Variants in DNAJC16 observed in about 807,000 individuals in gnomAD.
DNAJC16 encodes the protein DnaJ heat shock protein family (Hsp40) member C16, also known as dnaJ homolog subfamily C member 16.
In DNAJC16, 76 loss-of-function variants were observed where a neutral mutation model predicts 92.7. The ratio of observed to expected loss-of-function variants is 0.82; its 90% CI spans 0.68 to 0.99. The LOEUF (loss-of-function observed/expected upper bound fraction) is 0.99, where lower values mean the gene tolerates loss of function less well. Ranked by LOEUF, DNAJC16 falls within the 50% of genes least tolerant of loss-of-function variation. The pLI is 0.00. For synonymous variants in DNAJC16, 328 were observed against 358.7 expected, an observed-to-expected ratio of 0.91 and a Z score of 0.97; for missense variants, 869 against 942.4, an observed-to-expected ratio of 0.92 and a Z score of 1.02.
chr1:15,557,271 T>C (rs1226951796), intron 7 of DNAJC16, among the ~76,000 whole-genome samples: 1 of 152,228 alleles, frequency 6.6e-6, no homozygotes, highest in Non-Finnish European at 1.5e-5. Flanking sequence ...CTTGGGTTTC[T>C]GGGTTTCGCT....
intron 4 of DNAJC16, among the ~76,000 whole-genome samples, chr1:15,544,183 C>CACACACACACACAT (rs894567698): frequency 1.4e-5 from 2 of 144,656 alleles, no homozygotes; most frequent in African/African-American, 5.1e-5. Flanking sequence ...CACACACACA[C>CACACACACACACAT]ACATTTGTAA....
At chr1:15,549,261 C>T (rs1046746419) in intron 7 of DNAJC16, among the ~76,000 whole-genome samples, 8 of 152,062 alleles carry the variant, frequency 5.3e-5, no homozygotes, top group African/African-American at 1.7e-4. Flanking sequence ...ATTAGAGCTG[C>T]CTGTAGGAAA....
In DNAJC16 at chr1:15,536,444, T is replaced by G; in HGVS notation, c.235-31T>G. The G allele has an allele frequency of 2.6e-6, 4 of 1,518,934 alleles. No individual in the cohort carries two copies. The South Asian group carries it at 5.2e-5, about 20-fold the overall frequency. 94.1% of individuals were successfully genotyped at this position (1,518,934 alleles called of 1,614,324 possible). A position where few individuals can be genotyped will look rare whatever the true frequency, so the allele number is the denominator to read the frequency against. Reference sequence around the variant, plus strand: ...AAAAGTCTTTTGGATGAACCTTTTGTTGTTGTTTAGATTTTTTTCTTCCTT... The same window carrying G: ...AAAAGTCTTTTGGATGAACCTTTTGGTGTTGTTTAGATTTTTTTCTTCCTT... On this transcript the variant is annotated intron_variant, in intron 3 of 14. Coordinates refer to ENST00000375847, the MANE Select transcript of DNAJC16 (RefSeq NM_015291.4).
intron 4 of DNAJC16, among the ~76,000 whole-genome samples, chr1:15,541,810 T>C (rs534460468): frequency 6.6e-6 from 1 of 152,282 alleles, no homozygotes; most frequent in South Asian, 2.1e-4. Context: ...AAGAAATATA[T>C]GTATATTTTG....
intron 7 of DNAJC16, among the ~76,000 whole-genome samples, chr1:15,553,528 C>T (rs1638496676): frequency 6.6e-6 from 1 of 152,164 alleles, no homozygotes; most frequent in Non-Finnish European, 1.5e-5. Flanking sequence ...GTCACCGCAC[C>T]TGGCTGTTTT....
intron 3 of DNAJC16, among the ~76,000 whole-genome samples, chr1:15,536,064 TTTCTTTTC>T (rs539404606): frequency 0.14 from 13,089 of 96,856 alleles, 739 homozygotes; most frequent in African/African-American, 0.15. Context: ...TTTCTTTTCT[TTTCTTTTC>T]TTTTTTTTTT....
Position 15,529,007 on chromosome 1 carries a change from A to G in DNAJC16, c.-18-81A>G, listed in dbSNP as rs947450800. The G allele has an allele frequency of 2.4e-5, 30 of 1,233,580 alleles. No homozygotes were observed. In the East Asian group the frequency reaches 5.8e-4, roughly 24 times the overall value. 76.4% of individuals were successfully genotyped at this position (1,233,580 alleles called of 1,614,324 possible). On this transcript the variant is annotated intron_variant, in intron 1 of 14. Transcript: ENST00000375847. ...CTTTTGTTGGTTTTGTTTTTCATCT[A>G]TATATCTTATACCTTTACCTAAAAA...
rs905090234 is a variant in DNAJC16, at chr1:15,536,890, G to T, written c.574+76G>T. 53 of 1,321,848 alleles carry T rather than the reference G, an allele frequency of 4.0e-5. No homozygotes were observed. The Middle Eastern group carries it at 5.9e-4, about 15-fold the overall frequency. The allele number at this position is 1,321,848 out of a possible 1,614,324, so 81.9% of individuals were successfully genotyped here. ...TTTCAAGATGGAGTCTTGCTCTGTT[G>T]CCCAGGCTGGAGTACAGTGGTGTGA... On this transcript the variant is annotated intron_variant, in intron 4 of 14. Transcript: ENST00000375847.
chr1:15,529,295 G>A (rs751811091), intron 2 of DNAJC16, 23 bp downstream of exon 2: 1 of 1,598,226 alleles, frequency 6.3e-7, no homozygotes, highest in Non-Finnish European at 8.6e-7. Context: ...AAGAAATAGA[G>A]GTTTAACATA....
intron 2 of DNAJC16, among the ~76,000 whole-genome samples, chr1:15,530,273 A>G (rs1198726230): frequency 3.3e-5 from 5 of 151,534 alleles, no homozygotes; most frequent in Non-Finnish European, 7.4e-5. Flanking sequence ...AAAAAAGCCC[A>G]GAAGTTTGAG....
chr1:15,544,363 T>G (rs780319132), intron 4 of DNAJC16, 36 bp from the exon 5 acceptor site: 6 of 1,579,154 alleles, frequency 3.8e-6, no homozygotes, highest in Non-Finnish European at 5.2e-6. Flanking sequence ...CATGGAGACA[T>G]AAAAAGGCTT....
chr1:15,543,639 C>T (rs930190423), intron 4 of DNAJC16, among the ~76,000 whole-genome samples: 5 of 152,054 alleles, frequency 3.3e-5, no homozygotes, highest in Admixed American at 6.6e-5. Context: ...AACAGACTGT[C>T]AGGAGACAGG....
intron 4 of DNAJC16, among the ~76,000 whole-genome samples, chr1:15,543,478 G>C (rs1710982615): frequency 6.6e-6 from 1 of 152,206 alleles, no homozygotes; most frequent in Non-Finnish European, 1.5e-5. Context: ...AGGGCATGGG[G>C]AACCAGGGGC....
chr1:15,550,677 G>A (rs1458051246), intron 7 of DNAJC16, among the ~76,000 whole-genome samples: 7 of 152,174 alleles, frequency 4.6e-5, no homozygotes, highest in Non-Finnish European at 2.9e-5. Flanking sequence ...AAGTCTGTGA[G>A]ATCATATCAA....
rs113614667 is a variant in DNAJC16, at chr1:15,564,770, C to T, written c.1598+411C>T. ...TCTCAAACTCCTGACCTCAGGTGATCCACCCGCCTCGGCCTCCCAAAGTGC... is the reference window on the plus strand; with the variant it reads ...TCTCAAACTCCTGACCTCAGGTGATTCACCCGCCTCGGCCTCCCAAAGTGC... On this transcript the variant is annotated intron_variant, in intron 11 of 14. Coordinates refer to ENST00000375847, the MANE Select transcript of DNAJC16 (RefSeq NM_015291.4). Among the ~76,000 whole-genome samples the T allele has an allele frequency of 9.5e-3, 1,436 of 151,790 alleles. 23 individuals carry two copies. The highest frequency in any genetic ancestry group is 0.032 in the African/African-American group (1,316 of 41,360).
At chr1:15,538,381 C>T (rs932976623) in intron 4 of DNAJC16, among the ~76,000 whole-genome samples, 2 of 149,712 alleles carry the variant, frequency 1.3e-5, no homozygotes, top group Non-Finnish European at 3.0e-5. Flanking sequence ...GGTGACAGAG[C>T]GAGACTCTGT....
Position 15,567,976 on chromosome 1 carries a change from AG to A in DNAJC16, c.2149del (p.Val717SerfsTer7). The part of the protein sequence containing the change: ...YFCLFKPQKT[V>X]EEEEAIGSCS... ...TCTGCCTCTTCAAGCCCCAAAAGAC[AG>A]TCGAAGAGGAGGAAGCCATAGGGTC... On this transcript the variant is annotated frameshift_variant, in exon 15 of 15. Transcript: ENST00000375847. LOFTEE classifies it high-confidence loss of function. 6.2e-7 allele frequency: 1 copy of A among 1,614,232 alleles called. No homozygotes were observed. Among genetic ancestry groups the A allele is most frequent in the African/African-American group, 1.3e-5 (1 of 75,060 alleles).
At position 15,562,125 on chromosome 1, in the gene DNAJC16, G is replaced by A. The variant is rs749264314; in HGVS notation, c.1155-17G>A. ...CATCAGGGATTGGTTATAAAGTTTT[G>A]TCTTTTTGTTGTGCAGGTACTGTGT... On this transcript the variant is annotated splice_polypyrimidine_tract_variant and intron_variant, in intron 8 of 14. Transcript: ENST00000375847. The A allele has an allele frequency of 6.2e-7, 1 of 1,605,834 alleles. No homozygotes were observed. The highest frequency in any genetic ancestry group is 1.1e-5 in the South Asian group (1 of 90,502).
rs372775770 is a variant in DNAJC16, at chr1:15,559,619, G to C, written c.1117G>C (p.Glu373Gln). ...GCTCACCAGCCAGAAGTTGTTCCAT[G>C]AACTCTGCCCTGTGAAACGGTCGCA... The part of the protein sequence containing the change: ...ARLTSQKLFH[E>Q]LCPVKRSHRQ... The change falls in exon 8 of 15, where the codon GAA becomes CAA. Residue 373 changes from glutamate to glutamine, a missense_variant. Coordinates refer to ENST00000375847, the MANE Select transcript of DNAJC16 (RefSeq NM_015291.4). The C allele has an allele frequency of 1.2e-6, 2 of 1,614,040 alleles. No homozygotes were observed. Among genetic ancestry groups the C allele is most frequent in the Non-Finnish European group, 1.7e-6 (2 of 1,180,036 alleles).
Sources: gnomAD v4.1 joint callset for allele counts (sites outside exome capture counted in the v4.1 genomes callset) on GRCh38, gnomAD v4.1.1 for gene constraint, MANE v1.5 for transcripts, NCBI Gene and HGNC (gene_info 2026-07-23, HGNC 2026-07-21) for gene names.